The following WRN variants were observed in gnomAD, a reference collection of about 807,000 sequenced individuals.
The protein encoded by WRN is bifunctional 3'-5' exonuclease/ATP-dependent helicase WRN.
In WRN, 149 loss-of-function variants were observed where a neutral mutation model predicts 180.7. That is an observed-to-expected ratio of 0.82 (90% CI 0.72 to 0.94). The LOEUF (loss-of-function observed/expected upper bound fraction) is 0.94. Ranked by LOEUF, WRN falls within the 40% of genes least tolerant of loss-of-function variation. The probability of loss-of-function intolerance (pLI) is 0.00; values close to 1 mark genes in which losing one functional copy is unlikely to be tolerated. For synonymous variants in WRN, 548 were observed against 568.9 expected, an observed-to-expected ratio of 0.96 and a Z score of 0.52; for missense variants, 1,661 against 1,700.1, an observed-to-expected ratio of 0.98 and a Z score of 0.40.
intron 24 of WRN, among the ~76,000 whole-genome samples, chr8:31,140,897 A>C (rs1207812754): frequency 6.6e-6 from 1 of 152,122 alleles, no homozygotes; most frequent in East Asian, 1.9e-4. Context: ...CTGGGACCAC[A>C]GGTGCCCGCC....
At chr8:31,053,974 A>T (rs936146593) in intron 1 of WRN, among the ~76,000 whole-genome samples, 5 of 152,204 alleles carry the variant, frequency 3.3e-5, no homozygotes, top group African/African-American at 7.2e-5. Context: ...GACTTAAAAA[A>T]TTTTTGCACC....
At chr8:31,063,359 C>T (rs925912344) in intron 3 of WRN, among the ~76,000 whole-genome samples, 16 of 152,048 alleles carry the variant, frequency 1.1e-4, no homozygotes, top group African/African-American at 3.9e-4. Context: ...TGGTTCAATC[C>T]ATTCTCTTGT....
At chr8:31,055,278 T>C (rs1400203239) in intron 1 of WRN, among the ~76,000 whole-genome samples, 1 of 152,162 alleles carries the variant, frequency 6.6e-6, no homozygotes, top group African/African-American at 2.4e-5. Context: ...AGGATTGCAG[T>C]GTCAAATGGT....
chr8:31,128,541 C>G (rs1256015534), intron 23 of WRN, among the ~76,000 whole-genome samples: 1 of 152,158 alleles, frequency 6.6e-6, no homozygotes, highest in Non-Finnish European at 1.5e-5. Context: ...CTTCACTCCT[C>G]AAACATACAT....
chr8:31,147,187 G>A, intron 29 of WRN, 59 bp downstream of exon 29: 1 of 1,554,220 alleles, frequency 6.4e-7, no homozygotes, highest in South Asian at 1.1e-5. Context: ...TTCTATGTAT[G>A]CTTAAAATTC....
intron 7 of WRN, among the ~76,000 whole-genome samples, chr8:31,073,747 C>T (rs1812996609): frequency 6.6e-6 from 1 of 151,988 alleles, no homozygotes; most frequent in Non-Finnish European, 1.5e-5. Context: ...GGGAGGGCCA[C>T]TAATGAAGGA....
chr8:31,087,050 C>CT (rs57578751), intron 11 of WRN, among the ~76,000 whole-genome samples: 17 of 147,634 alleles, frequency 1.2e-4, no homozygotes, highest in South Asian at 4.3e-4. Flanking sequence ...AATGAACATA[C>CT]TTTTTTTTAA....
Position 31,141,728 on chromosome 8 carries a change from C to T in WRN, c.3186C>T (p.Ile1062=). 1 of 1,614,134 alleles carries T rather than the reference C, an allele frequency of 6.2e-7. No individual in the cohort carries two copies. The highest frequency in any genetic ancestry group is 8.5e-7 in the Non-Finnish European group (1 of 1,180,016). Residue 1062 remains isoleucine (I), a synonymous_variant, in exon 26 of 35, where the codon ATC becomes ATT. Coordinates refer to ENST00000298139, the MANE Select transcript of WRN (RefSeq NM_000553.6). ...CTAATACAGAATCTCAGAGCCTCAT[C>T]CTTCAAGCTAATGAAGAATTGTGTC... is the stretch of plus-strand genomic sequence containing the variant. The part of the protein sequence containing the change: ...HKANTESQSL[I]LQANEELCPK...
chr8:31,174,732 T>C lies in WRN; in HGVS notation c.*1630T>C, dbSNP rs1006417789. ...TTCTTCCTTCTTCCTTCCTTCCTCC[T>C]CCTCCTCCTTCTTCTTCCTCTTCCT... On this transcript the variant is annotated 3_prime_UTR_variant, in exon 35 of 35. Coordinates refer to ENST00000298139, the MANE Select transcript of WRN (RefSeq NM_000553.6). Among the ~76,000 whole-genome samples the C allele has an allele frequency of 6.7e-6, 1 of 150,224 alleles. No individual in the cohort carries two copies. The highest frequency in any genetic ancestry group is 1.5e-5 in the Non-Finnish European group (1 of 67,466).
chr8:31,141,145 G>T (rs971596600), intron 24 of WRN, among the ~76,000 whole-genome samples: 3 of 131,570 alleles, frequency 2.3e-5, no homozygotes, highest in Non-Finnish European at 3.4e-5. Context: ...AATAACAAAA[G>T]CTAAGTGTTC....
rs764220829 is a variant in WRN, at chr8:31,111,589, T to C, written c.2089-26T>C. Reference sequence around the variant, plus strand: ...GGGAATGAATGAGCTCTTTCCTTTTTAAAATATCAGTTTTACATCATTCAG... The same window carrying C: ...GGGAATGAATGAGCTCTTTCCTTTTCAAAATATCAGTTTTACATCATTCAG... On this transcript the variant is annotated intron_variant, in intron 18 of 34. Transcript: ENST00000298139. The C allele has an allele frequency of 9.9e-6, 16 of 1,613,220 alleles. No homozygotes were observed. The East Asian group carries it at 2.9e-4, about 29-fold the overall frequency.
chr8:31,162,927 T>C (rs1209750213), intron 33 of WRN, among the ~76,000 whole-genome samples: 1 of 152,238 alleles, frequency 6.6e-6, no homozygotes, highest in Non-Finnish European at 1.5e-5. Context: ...TAAAATTTTA[T>C]GGTGTCTTAA....
At chr8:31,068,748 A>G (rs548119223) in intron 7 of WRN, among the ~76,000 whole-genome samples, 8 of 152,330 alleles carry the variant, frequency 5.3e-5, no homozygotes, top group African/African-American at 1.9e-4. Flanking sequence ...GTAAAGATCT[A>G]TTTATTCATT....
chr8:31,142,234 AC>A (rs1759954393), intron 26 of WRN, among the ~76,000 whole-genome samples: 1 of 152,130 alleles, frequency 6.6e-6, no homozygotes, highest in Non-Finnish European at 1.5e-5. Flanking sequence ...GGCATGATCC[AC>A]CGCTCCCAGC....
At chr8:31,053,260 C>T (rs374162015) in intron 1 of WRN, among the ~76,000 whole-genome samples, 14 of 152,234 alleles carry the variant, frequency 9.2e-5, no homozygotes, top group African/African-American at 3.1e-4. Flanking sequence ...AAGTTTGGGA[C>T]AGGTAATGAC....
At chr8:31,153,142 A>G (rs1233056339) in intron 31 of WRN, among the ~76,000 whole-genome samples, 2 of 152,176 alleles carry the variant, frequency 1.3e-5, no homozygotes, top group African/African-American at 4.8e-5. Context: ...GGCAAGTGAA[A>G]CTGTCTAGTT....
intron 10 of WRN, 76 bp downstream of exon 10, chr8:31,083,855 T>A: frequency 7.3e-7 from 1 of 1,370,774 alleles, no homozygotes. Context: ...ATTAACTAAT[T>A]CTAAACTAGG....
At chr8:31,107,244 C>T (rs760319280) in intron 18 of WRN, among the ~76,000 whole-genome samples, 9 of 56,760 alleles carry the variant, frequency 1.6e-4, no homozygotes, top group Non-Finnish European at 3.2e-4. Flanking sequence ...ACCTGGAGGA[C>T]CGATTTCCAT....
At chr8:31,067,454 C>T (rs1332064884) in intron 6 of WRN, among the ~76,000 whole-genome samples, 2 of 152,058 alleles carry the variant, frequency 1.3e-5, no homozygotes. Flanking sequence ...AAAATGTGAA[C>T]TTGCTGAAAA....
Sources: allele counts gnomAD v4.1 joint callset (sites outside exome capture counted in the v4.1 genomes callset), GRCh38; gene constraint gnomAD v4.1.1; transcripts MANE v1.5; gene names NCBI Gene and HGNC (gene_info 2026-07-23, HGNC 2026-07-21).